Variants in APLP2 observed in about 807,000 individuals in gnomAD.
APLP2 encodes the protein CDEI box-binding protein.
APLP2 carries 53 observed loss-of-function variants against 89.9 expected under a neutral mutation model. The observed-to-expected ratio is 0.59, with a 90% CI of 0.47 to 0.74. The LOEUF (loss-of-function observed/expected upper bound fraction) is 0.74, where lower values mean the gene tolerates loss of function less well. Among genes scored for constraint, APLP2 ranks in the 30% least tolerant of loss-of-function variants. The pLI is 0.00. For synonymous variants in APLP2, 372 were observed against 348.6 expected (o/e 1.07, Z -0.75); for missense variants, 973 against 975.9 (o/e 1.00, Z 0.04).
rs1475443087 is a variant in APLP2, at chr11:130,121,712, G to A, written c.615G>A (p.Gln205=). Residue 205 remains glutamine (Q), a synonymous_variant, in exon 5 of 17, where the codon CAG becomes CAA. Transcript: ENST00000338167. ...FHGTEYVCCP[Q]TKIIGSVSKE... The stretch of plus-strand genomic sequence containing the variant: ...GCACTGAATATGTGTGCTGCCCTCA[G>A]ACAAAGATTATTGGATCTGTGTCAA... 6.2e-7 allele frequency: 1 copy of A among 1,614,106 alleles called. No individual in the cohort carries two copies. Among genetic ancestry groups the A allele is most frequent in the Admixed American group, 1.7e-5 (1 of 60,010 alleles).
intron 1 of APLP2, among the ~76,000 whole-genome samples, chr11:130,070,309 CG>C (rs888253869): frequency 5.9e-4 from 89 of 151,302 alleles, no homozygotes; most frequent in Non-Finnish European, 1.2e-3. Context: ...TGAAAGGCGT[CG>C]GGGCTGCTGG....
At chr11:130,109,714 T>C (rs1948298527) in intron 2 of APLP2, 112 bp downstream of exon 2, 1 of 1,189,630 alleles carries the variant, frequency 8.4e-7, no homozygotes, top group South Asian at 1.7e-5. Flanking sequence ...ACCAAGATGC[T>C]AATGACTGGA....
At chr11:130,122,554 A>G (rs773319915) in intron 6 of APLP2, 41 bp downstream of exon 6, 5 of 1,612,314 alleles carry the variant, frequency 3.1e-6, no homozygotes, top group East Asian at 4.5e-5. Flanking sequence ...TCCATGTGGT[A>G]ATTATTCACT....
Position 130,129,258 on chromosome 11 carries a change from C to A in APLP2, c.1455+52C>A, listed in dbSNP as rs1950677140. The A allele has an allele frequency of 2.6e-6, 4 of 1,538,712 alleles. No homozygotes were observed. The African/African-American group carries it at 5.5e-5, about 21-fold the overall frequency. Reference sequence around the variant, plus strand: ...CCCTGAGGTGGTATATGTAGGGGACCAATGTATGACACTCAGGTCAGTAAA... The same window carrying A: ...CCCTGAGGTGGTATATGTAGGGGACAAATGTATGACACTCAGGTCAGTAAA... On this transcript the variant is annotated intron_variant, in intron 10 of 16. Transcript: ENST00000338167.
intron 1 of APLP2, among the ~76,000 whole-genome samples, chr11:130,080,534 A>G (rs1942961680): frequency 6.6e-6 from 1 of 150,968 alleles, no homozygotes; most frequent in African/African-American, 2.4e-5. Context: ...GTGCTTACAG[A>G]CTGATTAATT....
At chr11:130,103,129 G>C (rs550112183) in intron 1 of APLP2, among the ~76,000 whole-genome samples, 1 of 152,306 alleles carries the variant, frequency 6.6e-6, no homozygotes, top group East Asian at 1.9e-4. Flanking sequence ...ATGGATCAAG[G>C]CACAGTCTGT....
At chr11:130,127,386 G>C (rs1219491453) in intron 8 of APLP2, among the ~76,000 whole-genome samples, 1 of 152,112 alleles carries the variant, frequency 6.6e-6, no homozygotes, top group Admixed American at 6.5e-5. Flanking sequence ...GCCTTGCTAG[G>C]CCTAAGCTCC....
chr11:130,108,212 A>G (rs1365784067), intron 1 of APLP2, among the ~76,000 whole-genome samples: 1 of 152,248 alleles, frequency 6.6e-6, no homozygotes, highest in African/African-American at 2.4e-5. Context: ...AAAATTGACA[A>G]ATGGGATCTA....
At chr11:130,125,800 G>T (rs1288289757) in intron 7 of APLP2, among the ~76,000 whole-genome samples, 1 of 152,218 alleles carries the variant, frequency 6.6e-6, no homozygotes, top group Non-Finnish European at 1.5e-5. Context: ...AATCTTGCAT[G>T]AATTAGGCTA....
intron 14 of APLP2, 122 bp downstream of exon 14, chr11:130,140,605 T>C: frequency 1.4e-6 from 1 of 694,438 alleles, no homozygotes; most frequent in South Asian, 2.5e-5. Context: ...AGTAGAAGGT[T>C]GGAGGGCTCC....
At chr11:130,090,240 GCT>G (rs1215551847) in intron 1 of APLP2, among the ~76,000 whole-genome samples, 4 of 140,242 alleles carry the variant, frequency 2.9e-5, no homozygotes, top group African/African-American at 1.1e-4. Context: ...TCTAGTTCTA[GCT>G]CTGTCTTTTT....
chr11:130,144,162 G>T lies in APLP2; in HGVS notation c.*714G>T, dbSNP rs575581153. On this transcript the variant is annotated 3_prime_UTR_variant, in exon 17 of 17. Coordinates refer to ENST00000338167, the MANE Select transcript of APLP2 (RefSeq NM_001142276.2). Reference sequence around the variant, plus strand: ...AGGGTGTCCGCTGCTGCTTTCCTTCGGAATCCAGTGCTTCCACAGAGATTA... The same window carrying T: ...AGGGTGTCCGCTGCTGCTTTCCTTCTGAATCCAGTGCTTCCACAGAGATTA... The T allele has an allele frequency of 6.6e-6, 1 of 152,134 alleles. No homozygotes were observed. The highest frequency in any genetic ancestry group is 1.5e-5 in the Non-Finnish European group (1 of 68,048). 9.4% of individuals were successfully genotyped at this position (152,134 alleles called of 1,614,324 possible).
intron 11 of APLP2, 128 bp from the exon 12 acceptor site, chr11:130,133,501 A>G: frequency 1.5e-6 from 1 of 663,908 alleles, no homozygotes; most frequent in Non-Finnish European, 2.7e-6. Flanking sequence ...TTGCTTTGCT[A>G]GACTCTGTAG....
intron 1 of APLP2, among the ~76,000 whole-genome samples, chr11:130,104,571 C>G (rs1256718059): frequency 1.3e-5 from 2 of 152,076 alleles, no homozygotes; most frequent in Admixed American, 1.3e-4. Flanking sequence ...CTTGTGCATC[C>G]TTTATACCTT....
In APLP2 at chr11:130,078,694, G is replaced by A. The variant is rs538303534; in HGVS notation, c.105+8612G>A. 4.6e-5 allele frequency among the ~76,000 whole-genome samples: 7 copies of A among 151,884 alleles called. No homozygotes were observed. In the East Asian group the frequency reaches 1.4e-3, roughly 29 times the overall value. On this transcript the variant is annotated intron_variant, in intron 1 of 16. Transcript: ENST00000338167. ...CTGTTTTTTTCCTTATGGATATCTG[G>A]CCTGCACCATTTATTGTCAAGGTCA... is the stretch of plus-strand genomic sequence containing the variant.
intron 1 of APLP2, among the ~76,000 whole-genome samples, chr11:130,091,521 G>C (rs1217156181): frequency 9.2e-5 from 13 of 141,120 alleles, no homozygotes; most frequent in South Asian, 2.2e-4. Flanking sequence ...CTCCCGGACA[G>C]GGCGGCTGGC....
At chr11:130,128,063 G>A in intron 9 of APLP2, among the ~76,000 whole-genome samples, 1 of 152,230 alleles carries the variant, frequency 6.6e-6, no homozygotes, top group Non-Finnish European at 1.5e-5. Context: ...ATGCCAGAAG[G>A]TAACCTTAGC....
intron 1 of APLP2, among the ~76,000 whole-genome samples, chr11:130,107,789 G>T (rs1329055131): frequency 6.6e-6 from 1 of 152,178 alleles, no homozygotes; most frequent in Non-Finnish European, 1.5e-5. Context: ...AAAGCTGGAG[G>T]CATCACGCTA....
chr11:130,123,910 C>A lies in APLP2; in HGVS notation c.1090+131C>A. The A allele has an allele frequency of 1.0e-6, 1 of 1,000,116 alleles. No individual in the cohort carries two copies. Among genetic ancestry groups the A allele is most frequent in the Non-Finnish European group, 1.5e-6 (1 of 671,496 alleles). The allele number at this position is 1,000,116 out of a possible 1,614,324, so 62.0% of individuals were successfully genotyped here. On this transcript the variant is annotated intron_variant, in intron 7 of 16. Coordinates refer to ENST00000338167, the MANE Select transcript of APLP2 (RefSeq NM_001142276.2). This position sits in a 1 kb window ranked among gnomAD's most constrained non-coding sequence, Gnocchi z 4.0. ...GGTGTTTGCTGTCGGTCGTCTTCCC[C>A]TCATCTTTGTGCTTTCTAGATCTAG... is the stretch of plus-strand genomic sequence containing the variant.
Sources: gnomAD v4.1 joint callset for allele counts (sites outside exome capture counted in the v4.1 genomes callset) on GRCh38, gnomAD v4.1.1 for gene constraint, Gnocchi (gnomAD v3.1) non-coding constraint, MANE v1.5 for transcripts, NCBI Gene and HGNC (gene_info 2026-07-23, HGNC 2026-07-21) for gene names.